The following HECW2 variants were observed in gnomAD, a reference collection of about 807,000 sequenced individuals.
The protein encoded by HECW2 is HECT, C2 and WW domain containing E3 ubiquitin protein ligase 2, also known as E3 ubiquitin-protein ligase HECW2.
A neutral mutation model predicts 175.2 loss-of-function variants in HECW2; 61 were observed. The ratio of observed to expected loss-of-function variants is 0.35; its 90% confidence interval spans 0.28 to 0.43. HECW2 has a LOEUF of 0.43. Among genes scored for constraint, HECW2 ranks in the 20% least tolerant of loss-of-function variants. The pLI, the probability that HECW2 is intolerant of heterozygous loss-of-function variation, is 1.00. For missense variants in HECW2, 1,524 were observed against 2,000.5 expected (o/e 0.76, Z 4.54); for synonymous variants, 671 against 731.0 (o/e 0.92, Z 1.32).
chr2:196,394,521 C>A lies in HECW2; in HGVS notation c.292+38611G>T, dbSNP rs546139715. 2.0e-5 allele frequency among the ~76,000 whole-genome samples: 3 copies of A among 152,084 alleles called. No individual in the cohort carries two copies. In the East Asian group the frequency reaches 5.8e-4, roughly 29 times the overall value. On this transcript the variant is annotated intron_variant, in intron 2 of 28. Transcript: ENST00000644978. ...TAATTTTAGTGAGTCAATAAACATC[C>A]CCCCTTTAGAGAGTTCAGACCACCT...
At chr2:196,449,255 A>G (rs1314920264) in intron 1 of HECW2, among the ~76,000 whole-genome samples, 5 of 152,160 alleles carry the variant, frequency 3.3e-5, no homozygotes, top group Non-Finnish European at 5.9e-5. Flanking sequence ...TGACCTTGAA[A>G]CTATGAGTTG....
In HECW2 at chr2:196,200,396, A is replaced by C. The variant is rs896837872; in HGVS notation, c.*881T>G. The C allele has an allele frequency of 2.0e-5, 3 of 152,634 alleles. No homozygotes were observed. The highest frequency in any genetic ancestry group is 4.8e-5 in the African/African-American group (2 of 41,448). The allele number at this position is 152,634 out of a possible 1,614,324, so 9.5% of individuals were successfully genotyped here. A position where few individuals can be genotyped will look rare whatever the true frequency, so the allele number is the denominator to read the frequency against. On this transcript the variant is annotated 3_prime_UTR_variant, in exon 29 of 29. Coordinates refer to ENST00000644978, the MANE Select transcript of HECW2 (RefSeq NM_001348768.2). ...AGTGCTTAAAAGGATACATATTAGC[A>C]TGATGCCCGAGTATGCATGGAACAT...
chr2:196,346,924 C>T (rs1394510583), intron 2 of HECW2, among the ~76,000 whole-genome samples: 1 of 146,542 alleles, frequency 6.8e-6, no homozygotes, highest in Non-Finnish European at 1.5e-5. Flanking sequence ...AGGTGAATTG[C>T]TTGAACCCGA....
At position 196,374,711 on chromosome 2, in the gene HECW2, C is replaced by T. The variant is rs193218856; in HGVS notation, c.293-30947G>A. Among the ~76,000 whole-genome samples, 13 of 152,140 alleles carry T rather than the reference C, an allele frequency of 8.5e-5. No homozygotes were observed. In the East Asian group the frequency reaches 1.9e-3, roughly 23 times the overall value. ...GTTTCCCCAAAAAGTGACCTTGTAGCTATCCACAAAGTATTATCAACAACT... is the reference window on the plus strand; with the variant it reads ...GTTTCCCCAAAAAGTGACCTTGTAGTTATCCACAAAGTATTATCAACAACT... On this transcript the variant is annotated intron_variant, in intron 2 of 28. Coordinates refer to ENST00000644978, the MANE Select transcript of HECW2 (RefSeq NM_001348768.2).
chr2:196,277,553 T>C (rs1690004981), intron 15 of HECW2, among the ~76,000 whole-genome samples: 1 of 152,142 alleles, frequency 6.6e-6, no homozygotes, highest in South Asian at 2.1e-4. Context: ...TCAACTATTG[T>C]GGAAGACAGT....
At chr2:196,221,030 T>A (rs1241257067) in intron 24 of HECW2, 89 bp from the exon 25 acceptor site, 4 of 1,428,992 alleles carry the variant, frequency 2.8e-6, no homozygotes, top group Admixed American at 1.7e-5. Context: ...ATCAGCCAGC[T>A]ACCTGTCCCA....
chr2:196,534,983 T>G (rs1234325300), intron 1 of HECW2, among the ~76,000 whole-genome samples: 1 of 151,874 alleles, frequency 6.6e-6, no homozygotes, highest in South Asian at 2.1e-4. Context: ...AACTAATCTA[T>G]GTCCCCTTCA....
intron 28 of HECW2, among the ~76,000 whole-genome samples, chr2:196,213,595 A>G (rs1687368106): frequency 6.6e-6 from 1 of 152,218 alleles, no homozygotes. Flanking sequence ...AATGTGCCTA[A>G]GACCATCTTT....
chr2:196,507,098 G>C (rs1252144981), intron 1 of HECW2, among the ~76,000 whole-genome samples: 4 of 152,000 alleles, frequency 2.6e-5, no homozygotes, highest in African/African-American at 9.7e-5. Context: ...CTATTTATAT[G>C]TGTGCATATT....
At chr2:196,403,501 T>A (rs1255412045) in intron 2 of HECW2, among the ~76,000 whole-genome samples, 1 of 152,210 alleles carries the variant, frequency 6.6e-6, no homozygotes, top group Non-Finnish European at 1.5e-5. Context: ...AATGTACTTT[T>A]AAAAAGACAT....
intron 28 of HECW2, among the ~76,000 whole-genome samples, chr2:196,213,990 C>T (rs1687381928): frequency 6.6e-6 from 1 of 152,156 alleles, no homozygotes; most frequent in African/African-American, 2.4e-5. Context: ...CCTACCCCTG[C>T]CCTCTTTCCA....
intron 13 of HECW2, among the ~76,000 whole-genome samples, chr2:196,301,752 T>C (rs971871658): frequency 1.3e-5 from 2 of 151,062 alleles, no homozygotes; most frequent in African/African-American, 4.9e-5. Flanking sequence ...CTTGTAGATG[T>C]GTTTAAGTTC....
intron 1 of HECW2, among the ~76,000 whole-genome samples, chr2:196,466,150 A>G (rs1228427453): frequency 6.6e-6 from 1 of 152,174 alleles, no homozygotes; most frequent in Non-Finnish European, 1.5e-5. Flanking sequence ...TCCCTACTCC[A>G]TCCATGAGGT....
chr2:196,528,684 C>A (rs1301913256), intron 1 of HECW2, among the ~76,000 whole-genome samples: 3 of 152,148 alleles, frequency 2.0e-5, no homozygotes, highest in Non-Finnish European at 4.4e-5. Context: ...ATTGTTCTGC[C>A]CATTCTTCAT....
At chr2:196,458,391 G>C (rs1696598085) in intron 1 of HECW2, among the ~76,000 whole-genome samples, 1 of 151,706 alleles carries the variant, frequency 6.6e-6, no homozygotes, top group African/African-American at 2.4e-5. Flanking sequence ...CATAATGCTG[G>C]GAGTCTCTGG....
rs201734500 is a variant in HECW2 at position 196,323,214 on chromosome 2, AG to A, written c.742-595del. Reference sequence around the variant, plus strand: ...ATTTCTTCTGGGACAGAAAAATAAAAGTATGAGGTTAAGATAGCTTTTGTTG... The same window carrying A: ...ATTTCTTCTGGGACAGAAAAATAAAATATGAGGTTAAGATAGCTTTTGTTG... On this transcript the variant is annotated intron_variant, in intron 6 of 28. Coordinates refer to ENST00000644978, the MANE Select transcript of HECW2 (RefSeq NM_001348768.2). Among the ~76,000 whole-genome samples, 211 of 152,350 alleles carry A rather than the reference AG, an allele frequency of 1.4e-3. 1 individual carries two copies. Among genetic ancestry groups the A allele is most frequent in the African/African-American group, 4.8e-3 (201 of 41,590 alleles).
chr2:196,210,106 C>G (rs1244944314), intron 28 of HECW2, among the ~76,000 whole-genome samples: 1 of 152,124 alleles, frequency 6.6e-6, no homozygotes, highest in East Asian at 1.9e-4. Flanking sequence ...TATTTCAGGA[C>G]TTGGTTATTT....
intron 14 of HECW2, among the ~76,000 whole-genome samples, chr2:196,280,479 G>A (rs777112302): frequency 1.3e-5 from 2 of 152,152 alleles, no homozygotes; most frequent in Non-Finnish European, 2.9e-5. Context: ...ATAACTTTAA[G>A]CAATGGATGT....
At chr2:196,506,925 T>C (rs1205600153) in intron 1 of HECW2, among the ~76,000 whole-genome samples, 2 of 152,144 alleles carry the variant, frequency 1.3e-5, no homozygotes, top group Admixed American at 6.5e-5. Flanking sequence ...AATACAGTAT[T>C]AGAAAAATCT....
Sources: allele counts gnomAD v4.1 joint callset (sites outside exome capture counted in the v4.1 genomes callset), GRCh38; gene constraint gnomAD v4.1.1; transcripts MANE v1.5; gene names NCBI Gene and HGNC (gene_info 2026-07-23, HGNC 2026-07-21).